MGAT4C: variants seen among roughly 807,000 people sequenced by gnomAD.
MGAT4C encodes alpha-1,3-mannosyl-glycoprotein 4-beta-N-acetylglucosaminyltransferase C.
In MGAT4C, 19 loss-of-function variants were observed where a neutral mutation model predicts 40.1. The ratio of observed to expected loss-of-function variants is 0.47; its 90% CI spans 0.33 to 0.70. The LOEUF is 0.70. MGAT4C is among the 30% of genes least tolerant of loss of function. The probability of loss-of-function intolerance (pLI) is 0.02; values close to 1 mark genes in which losing one functional copy is unlikely to be tolerated. For synonymous variants in MGAT4C, 181 were observed against 187.1 expected (o/e 0.97, Z 0.27); for missense variants, 491 against 563.2 (o/e 0.87, Z 1.30).
At position 85,976,667 on chromosome 12, in the gene MGAT4C, ATATTATATATATGTATATATG is replaced by A. The variant is rs1296297972; in HGVS notation, c.*2601_*2621del. 1 of 146,602 alleles carries A rather than the reference ATATTATATATATGTATATATG, an allele frequency of 6.8e-6. No individual in the cohort carries two copies. The highest frequency in any genetic ancestry group is 2.5e-5 in the African/African-American group (1 of 40,680). The allele number at this position is 146,602 out of a possible 1,614,324, so 9.1% of individuals were successfully genotyped here. ...GAAAATTATATATATATGTATATAT[ATATTATATATATGTATATATG>A]TATTATATATGTATATATATATAAA... On this transcript the variant is annotated 3_prime_UTR_variant, in exon 5 of 5. Transcript: ENST00000611864.
At chr12:86,632,075 C>T (rs759396066) in intron 2 of MGAT4C, among the ~76,000 whole-genome samples, 1 of 151,862 alleles carries the variant, frequency 6.6e-6, no homozygotes, top group Non-Finnish European at 1.5e-5. Context: ...ATCAAACAAC[C>T]CCATCAAAAA....
intron 1 of MGAT4C, among the ~76,000 whole-genome samples, chr12:86,070,452 G>A (rs1028466713): frequency 2.6e-5 from 4 of 151,988 alleles, no homozygotes; most frequent in African/African-American, 9.7e-5. Flanking sequence ...GGAGGTAAAA[G>A]CTAGTACACT....
intron 3 of MGAT4C, among the ~76,000 whole-genome samples, chr12:86,334,928 GTTATT>G (rs1368710979): frequency 6.6e-6 from 1 of 151,900 alleles, no homozygotes; most frequent in Non-Finnish European, 1.5e-5. Flanking sequence ...TTATAATAAT[GTTATT>G]TTATTTTTTA....
intron 4 of MGAT4C, among the ~76,000 whole-genome samples, chr12:86,275,944 CAAAA>C (rs748476574): frequency 3.2e-4 from 22 of 69,194 alleles, no homozygotes; most frequent in African/African-American, 1.0e-3. Context: ...ACTAAAAATC[CAAAA>C]AAAAAAAAAA....
Position 86,376,776 on chromosome 12 carries a change from A to AAG in MGAT4C, c.-119-42651_-119-42650dup, listed in dbSNP as rs1328088876. ...TACGTACCTACATCAAAGAGCAAGA[A>AAG]AGAGAGAGAGAGACAGAGAGAGAGA... On this transcript the variant is annotated intron_variant, in intron 3 of 7. Transcript: ENST00000548651. Among the ~76,000 whole-genome samples the AAG allele has an allele frequency of 4.1e-5, 6 of 145,376 alleles. No homozygotes were observed. In the East Asian group the frequency reaches 8.2e-4, roughly 20 times the overall value.
chr12:86,585,942 TC>T (rs1961012249), intron 2 of MGAT4C, among the ~76,000 whole-genome samples: 1 of 151,072 alleles, frequency 6.6e-6, no homozygotes, highest in Admixed American at 6.6e-5. Context: ...ACTTTTTTTT[TC>T]CCTTTTTTTA....
At chr12:86,782,176 T>G (rs1593202419) in intron 1 of MGAT4C, among the ~76,000 whole-genome samples, 1 of 105,664 alleles carries the variant, frequency 9.5e-6, no homozygotes, top group Admixed American at 9.3e-5. Flanking sequence ...TTTGTATTTT[T>G]TTTTTTTTTT....
chr12:86,813,322 C>T (rs535114336), intron 1 of MGAT4C, among the ~76,000 whole-genome samples: 10 of 152,106 alleles, frequency 6.6e-5, no homozygotes, highest in East Asian at 1.9e-4. Flanking sequence ...CCTACACTGA[C>T]GTCACATGAT....
At chr12:86,059,482 C>A (rs1893726735) in intron 1 of MGAT4C, among the ~76,000 whole-genome samples, 1 of 152,332 alleles carries the variant, frequency 6.6e-6, no homozygotes, top group South Asian at 2.1e-4. Context: ...GGGCTCAGAC[C>A]AGTGTTTCCG....
At position 85,989,539 on chromosome 12, in the gene MGAT4C, T is replaced by G. The variant is rs759053090; in HGVS notation, c.8A>C (p.Lys3Thr). The G allele has an allele frequency of 6.2e-7, 1 of 1,602,670 alleles. No individual in the cohort carries two copies. Among genetic ancestry groups the G allele is most frequent in the South Asian group, 1.1e-5 (1 of 88,438 alleles). MF[K>T]FHQMKHIFEI... ...AAAAATATGTTTCATTTGATGAAAT[T>G]TAAACATTCTCTTCTGTGGAAAAGA... Residue 3 changes from lysine (K) to threonine (T), a missense_variant, in exon 3 of 5, where the codon AAA (lysine) becomes ACA (threonine). Transcript: ENST00000611864.
At chr12:86,786,257 T>G (rs980921227) in intron 1 of MGAT4C, among the ~76,000 whole-genome samples, 16 of 152,236 alleles carry the variant, frequency 1.1e-4, no homozygotes, top group African/African-American at 3.8e-4. Context: ...CAGATAATGT[T>G]GGTTGTATCT....
At chr12:86,351,473 A>C (rs1411949188) in intron 3 of MGAT4C, among the ~76,000 whole-genome samples, 1 of 152,050 alleles carries the variant, frequency 6.6e-6, no homozygotes, top group African/African-American at 2.4e-5. Context: ...ATTATAACAA[A>C]ATAAATGGAA....
At position 86,449,615 on chromosome 12, in the gene MGAT4C, T is replaced by A. The variant is rs141353285; in HGVS notation, c.-228-14350A>T. On this transcript the variant is annotated intron_variant, in intron 2 of 7. Transcript: ENST00000548651. ...ACTCGGTGGTAACGACTCTTCTCAC[T>A]TCTGTCACCATAAAATAACTAAGTC... Among the ~76,000 whole-genome samples the A allele has an allele frequency of 1.4e-3, 219 of 152,250 alleles. 1 individual carries two copies. The highest frequency in any genetic ancestry group is 5.0e-3 in the African/African-American group (206 of 41,562).
intron 2 of MGAT4C, among the ~76,000 whole-genome samples, chr12:86,533,543 G>A (rs1959018118): frequency 6.6e-6 from 1 of 151,654 alleles, no homozygotes; most frequent in Non-Finnish European, 1.5e-5. Flanking sequence ...AAATGTACTA[G>A]ATAGGCATTT....
chr12:86,763,205 C>T (rs796364102), intron 1 of MGAT4C, among the ~76,000 whole-genome samples: 7 of 152,158 alleles, frequency 4.6e-5, no homozygotes, highest in Admixed American at 1.3e-4. Flanking sequence ...AAGTGACAAG[C>T]GGAATGGCAA....
chr12:86,688,174 T>G (rs1163110668), intron 2 of MGAT4C, among the ~76,000 whole-genome samples: 1 of 145,522 alleles, frequency 6.9e-6, no homozygotes, highest in African/African-American at 2.5e-5. Flanking sequence ...TTTTTTTTTT[T>G]TTTTTTTGCT....
At chr12:86,414,456 G>A (rs966862606) in intron 3 of MGAT4C, among the ~76,000 whole-genome samples, 2 of 152,090 alleles carry the variant, frequency 1.3e-5, no homozygotes, top group Non-Finnish European at 2.9e-5. Context: ...TCAAGTCCAA[G>A]AGCCTCCTTT....
chr12:86,549,474 C>A (rs1959244060), intron 2 of MGAT4C, among the ~76,000 whole-genome samples: 1 of 152,038 alleles, frequency 6.6e-6, no homozygotes. Context: ...ATGTGATTTT[C>A]TTTTTAATTT....
At chr12:86,527,093 A>G (rs540694990) in intron 2 of MGAT4C, among the ~76,000 whole-genome samples, 1 of 152,006 alleles carries the variant, frequency 6.6e-6, no homozygotes, top group Non-Finnish European at 1.5e-5. Flanking sequence ...TGCACAAGTC[A>G]TCTGGGTCCT....
Sources: gnomAD v4.1 joint callset for allele counts (sites outside exome capture counted in the v4.1 genomes callset) on GRCh38, gnomAD v4.1.1 for gene constraint, MANE v1.5 for transcripts, NCBI Gene and HGNC (gene_info 2026-07-23, HGNC 2026-07-21) for gene names.